Variants in PAN3 observed in about 807,000 individuals in gnomAD.
PAN3 encodes the protein poly(A) specific ribonuclease subunit PAN3.
In PAN3, 19 loss-of-function variants were observed where a neutral mutation model predicts 96.2. The observed-to-expected ratio is 0.20, with a 90% confidence interval of 0.14 to 0.29. PAN3 has a LOEUF of 0.29. Among genes scored for constraint, PAN3 ranks in the 10% least tolerant of loss-of-function variants. The pLI is 1.00. For missense variants in PAN3, 882 were observed against 1,108.1 expected (o/e 0.80, Z 2.90); for synonymous variants, 433 against 406.6 (o/e 1.06, Z -0.78).
intron 4 of PAN3, among the ~76,000 whole-genome samples, chr13:28,181,461 G>A (rs905932080): frequency 1.4e-5 from 2 of 141,058 alleles, no homozygotes; most frequent in African/African-American, 2.6e-5. Flanking sequence ...GCAGTGAGCC[G>A]TGATCACTCT....
In PAN3 at chr13:28,268,606, T is replaced by C. The variant is rs189602882; in HGVS notation, c.1792+1205T>C. On this transcript the variant is annotated intron_variant, in intron 12 of 18. Transcript: ENST00000380958. The stretch of plus-strand genomic sequence containing the variant: ...CATTTTGAGATGTCTATTCATTAAT[T>C]TATGTATTTAGGGAAGGTCTCAGTC... 2.1e-3 allele frequency among the ~76,000 whole-genome samples: 321 copies of C among 152,214 alleles called. 1 individual carries two copies. The highest frequency in any genetic ancestry group is 7.4e-3 in the African/African-American group (306 of 41,522).
intron 6 of PAN3, among the ~76,000 whole-genome samples, chr13:28,251,092 A>G (rs1443737258): frequency 6.6e-6 from 1 of 151,890 alleles, no homozygotes; most frequent in Non-Finnish European, 1.5e-5. Flanking sequence ...TATTTAATGC[A>G]TCTTTTGATG....
intron 1 of PAN3, among the ~76,000 whole-genome samples, chr13:28,171,200 A>G (rs1425834741): frequency 6.6e-6 from 1 of 152,182 alleles, no homozygotes; most frequent in Non-Finnish European, 1.5e-5. Context: ...TTACCCTCAA[A>G]TAAAAATGTG....
intron 6 of PAN3, among the ~76,000 whole-genome samples, chr13:28,241,406 AT>A (rs1421743357): frequency 1.3e-5 from 2 of 152,184 alleles, no homozygotes; most frequent in Non-Finnish European, 2.9e-5. Context: ...TCAAACTTTA[AT>A]TGCAATAGTA....
chr13:28,181,734 CT>C (rs1239196072), intron 4 of PAN3, among the ~76,000 whole-genome samples: 5 of 152,044 alleles, frequency 3.3e-5, no homozygotes, highest in African/African-American at 1.2e-4. Flanking sequence ...TGTCTAGAGA[CT>C]TCTATAACAA....
At position 28,270,748 on chromosome 13, in the gene PAN3, G is replaced by C; in HGVS notation, c.1840G>C (p.Glu614Gln). Residue 614 changes from glutamate (E) to glutamine (Q), a missense_variant, in exon 13 of 19, where the codon GAA (glutamate) becomes CAA (glutamine). Transcript: ENST00000380958. ...LPRQHAGLLP[E>Q]SLIWAYIVQL... ...CAGGCAGCATGCTGGATTATTGCCA[G>C]AATCTCTTATTTGGGCATATATTGT... The C allele has an allele frequency of 6.2e-7, 1 of 1,613,956 alleles. No individual in the cohort carries two copies. Among genetic ancestry groups the C allele is most frequent in the Non-Finnish European group, 8.5e-7 (1 of 1,179,870 alleles).
chr13:28,167,048 A>G (rs1178286139), intron 1 of PAN3, among the ~76,000 whole-genome samples: 1 of 145,844 alleles, frequency 6.9e-6, no homozygotes, highest in Non-Finnish European at 1.5e-5. Context: ...ATCTATATGA[A>G]TCTCTTTACC....
intron 6 of PAN3, among the ~76,000 whole-genome samples, chr13:28,244,448 T>G (rs1167198426): frequency 1.3e-5 from 2 of 152,188 alleles, no homozygotes; most frequent in East Asian, 3.8e-4. Flanking sequence ...TTTATTCACT[T>G]TATTGTTTAG....
At chr13:28,202,478 A>G (rs1364074749) in intron 5 of PAN3, among the ~76,000 whole-genome samples, 79 of 152,154 alleles carry the variant, frequency 5.2e-4, no homozygotes, top group Non-Finnish European at 4.4e-5. Flanking sequence ...TATATACTAC[A>G]TCCTAACCAT....
At chr13:28,266,627 T>C (rs1399197501) in intron 9 of PAN3, 88 bp from the exon 10 acceptor site, 1 of 1,073,926 alleles carries the variant, frequency 9.3e-7, no homozygotes, top group African/African-American at 1.6e-5. Context: ...ACACAAGGGG[T>C]TTATAGTAAA....
chr13:28,178,390 GA>G (rs993324029), intron 4 of PAN3, among the ~76,000 whole-genome samples: 10 of 152,048 alleles, frequency 6.6e-5, no homozygotes, highest in African/African-American at 2.2e-4. Flanking sequence ...TTAAAAAGTT[GA>G]AAATCTCTTC....
At chr13:28,264,804 A>G (rs1006052574) in intron 9 of PAN3, among the ~76,000 whole-genome samples, 2 of 152,170 alleles carry the variant, frequency 1.3e-5, no homozygotes, top group Non-Finnish European at 2.9e-5. Flanking sequence ...CCCACTTCAG[A>G]TTGTATCAGA....
At chr13:28,205,143 G>A (rs931735581) in intron 5 of PAN3, among the ~76,000 whole-genome samples, 22 of 151,894 alleles carry the variant, frequency 1.4e-4, no homozygotes, top group Non-Finnish European at 1.8e-4. Flanking sequence ...ATTTACTTCC[G>A]TCTTTACTCA....
At chr13:28,216,161 C>T (rs1369680425) in intron 5 of PAN3, among the ~76,000 whole-genome samples, 3 of 147,258 alleles carry the variant, frequency 2.0e-5, no homozygotes, top group African/African-American at 2.5e-5. Context: ...GAAATTCTGT[C>T]GCAGAATTTT....
At chr13:28,238,520 C>T (rs1038715270) in intron 6 of PAN3, among the ~76,000 whole-genome samples, 1 of 152,144 alleles carries the variant, frequency 6.6e-6, no homozygotes, top group Admixed American at 6.5e-5. Context: ...CTCTTAGGCA[C>T]TGAGTTTATG....
intron 9 of PAN3, among the ~76,000 whole-genome samples, chr13:28,264,411 C>T (rs1355221673): frequency 6.6e-6 from 1 of 151,966 alleles, no homozygotes; most frequent in African/African-American, 2.4e-5. Flanking sequence ...TGGTGGTGCC[C>T]AACTGTAACT....
At chr13:28,224,889 A>G (rs1881831859) in intron 6 of PAN3, among the ~76,000 whole-genome samples, 1 of 152,182 alleles carries the variant, frequency 6.6e-6, no homozygotes, top group Non-Finnish European at 1.5e-5. Flanking sequence ...TCAAAGTGCT[A>G]GAATTATAGG....
intron 2 of PAN3, 141 bp downstream of exon 2, chr13:28,174,534 C>T (rs1874709619): frequency 3.1e-6 from 3 of 977,920 alleles, no homozygotes; most frequent in South Asian, 3.6e-5. Flanking sequence ...TGTAGGTAAA[C>T]TATCTCCCAT....
At chr13:28,184,305 T>G (rs1272607918) in intron 4 of PAN3, among the ~76,000 whole-genome samples, 3 of 152,174 alleles carry the variant, frequency 2.0e-5, no homozygotes, top group Non-Finnish European at 4.4e-5. Context: ...TATTTTATCA[T>G]ATCATTTAGT....
Sources: allele counts gnomAD v4.1 joint callset (sites outside exome capture counted in the v4.1 genomes callset), GRCh38; gene constraint gnomAD v4.1.1; transcripts MANE v1.5; gene names NCBI Gene and HGNC (gene_info 2026-07-23, HGNC 2026-07-21).